Variants in AGMO observed in about 807,000 individuals in gnomAD.
The protein encoded by AGMO is glyceryl-ether monooxygenase.
In AGMO, 75 loss-of-function variants were observed where a neutral mutation model predicts 60.2. That is an observed-to-expected ratio of 1.25 (90% CI 1.03 to 1.51). The LOEUF is 1.51. AGMO is among the 40% of genes most tolerant of loss of function. AGMO has a pLI of 0.00. For missense variants in AGMO, 763 were observed against 525.5 expected (o/e 1.45, Z -4.42); for synonymous variants, 261 against 177.1 (o/e 1.47, Z -3.76).
At chr7:15,401,027 A>G (rs1317802284) in intron 5 of AGMO, among the ~76,000 whole-genome samples, 1 of 152,116 alleles carries the variant, frequency 6.6e-6, no homozygotes, top group African/African-American at 2.4e-5. Flanking sequence ...AGTCTGAAAT[A>G]ATTTTCCTAT....
chr7:15,390,935 T>C, intron 6 of AGMO, 30 bp from the exon 7 acceptor site: 3 of 1,417,772 alleles, frequency 2.1e-6, no homozygotes, highest in Non-Finnish European at 2.9e-6. Context: ...AAATTTTTTT[T>C]CAGAAAAATA....
intron 3 of AGMO, among the ~76,000 whole-genome samples, chr7:15,476,810 C>T (rs552188519): frequency 1.3e-5 from 2 of 152,142 alleles, no homozygotes; most frequent in Admixed American, 6.6e-5. Flanking sequence ...AAGGACTTTG[C>T]CTGTCACAGA....
intron 12 of AGMO, among the ~76,000 whole-genome samples, chr7:15,354,423 C>CACGCGTGTGTAT (rs1782409665): frequency 3.6e-5 from 1 of 27,462 alleles, no homozygotes; most frequent in Non-Finnish European, 5.7e-5. Context: ...TGTGTGTATA[C>CACGCGTGTGTAT]ACACACGTGT....
chr7:15,447,292 G>A (rs575203391), intron 3 of AGMO, among the ~76,000 whole-genome samples: 21 of 152,234 alleles, frequency 1.4e-4, no homozygotes, highest in South Asian at 4.1e-4. Context: ...AATAGCAATT[G>A]TCAGTATGCA....
chr7:15,496,113 C>T (rs1783226227), intron 3 of AGMO, among the ~76,000 whole-genome samples: 1 of 152,088 alleles, frequency 6.6e-6, no homozygotes, highest in South Asian at 2.1e-4. Context: ...ATTTGCACAG[C>T]TTGGGTGGAA....
At chr7:15,561,640 C>A in intron 1 of AGMO, 80 bp downstream of exon 1, 1 of 1,292,560 alleles carries the variant, frequency 7.7e-7, no homozygotes, top group East Asian at 2.6e-5. Flanking sequence ...TGAAAGTGAA[C>A]AAAACCCTAA....
the AGMO span, among the ~76,000 whole-genome samples, chr7:15,169,428 CTTTT>C: frequency 6.6e-6 from 1 of 151,704 alleles, no homozygotes; most frequent in Non-Finnish European, 1.5e-5. Flanking sequence ...GTGTCTTTTT[CTTTT>C]TTTTCTTTCT....
chr7:15,123,339 A>T, the AGMO span, among the ~76,000 whole-genome samples: 2 of 152,010 alleles, frequency 1.3e-5, no homozygotes, highest in African/African-American at 2.4e-5. Flanking sequence ...AGTATGTTGC[A>T]CCTTTGTTTT....
intron 12 of AGMO, among the ~76,000 whole-genome samples, chr7:15,268,787 T>A (rs1307596521): frequency 1.3e-5 from 2 of 151,944 alleles, no homozygotes; most frequent in African/African-American, 2.4e-5. Context: ...GGCATTTGGA[T>A]GAGGCAGGTG....
At chr7:15,523,166 T>A (rs1221647973) in intron 3 of AGMO, among the ~76,000 whole-genome samples, 1 of 152,114 alleles carries the variant, frequency 6.6e-6, no homozygotes, top group African/African-American at 2.4e-5. Flanking sequence ...CCAGTTAGAA[T>A]GGCAATCATT....
the AGMO span, among the ~76,000 whole-genome samples, chr7:15,188,776 T>A: frequency 1.7e-3 from 259 of 151,842 alleles, 1 homozygote; most frequent in African/African-American, 5.8e-3. Flanking sequence ...ACAGTGTGGT[T>A]AGTGTCAGAT....
chr7:15,200,038 C>T (rs12531386), downstream of AGMO, among the ~76,000 whole-genome samples: 18,222 of 152,040 alleles, frequency 0.12, 1,253 homozygotes, highest in Non-Finnish European at 0.15. Context: ...CTAAGTCAGG[C>T]TCCTTAACCC....
intron 3 of AGMO, among the ~76,000 whole-genome samples, chr7:15,444,350 G>C (rs1396134814): frequency 1.3e-5 from 2 of 151,964 alleles, no homozygotes; most frequent in Non-Finnish European, 2.9e-5. Context: ...GGAAATGTTT[G>C]CTTGACCCTC....
At chr7:15,389,033 G>T (rs562735027) in intron 8 of AGMO, among the ~76,000 whole-genome samples, 1 of 152,134 alleles carries the variant, frequency 6.6e-6, no homozygotes, top group Non-Finnish European at 1.5e-5. Context: ...TATGTGTGCA[G>T]CTCTTATTGT....
intron 12 of AGMO, among the ~76,000 whole-genome samples, chr7:15,248,179 CATAT>C (rs71549925): frequency 0.022 from 716 of 32,576 alleles, 23 homozygotes; most frequent in African/African-American, 0.027. Flanking sequence ...GATCCAGCAC[CATAT>C]ATATATATAT....
At chr7:15,447,271 A>G (rs1307219509) in intron 3 of AGMO, among the ~76,000 whole-genome samples, 1 of 152,158 alleles carries the variant, frequency 6.6e-6, no homozygotes, top group Non-Finnish European at 1.5e-5. Flanking sequence ...TTAGTGATCA[A>G]TTGTGTTAAT....
At chr7:15,217,029 T>C (rs1583299111) in intron 12 of AGMO, among the ~76,000 whole-genome samples, 3 of 152,006 alleles carry the variant, frequency 2.0e-5, no homozygotes, top group Non-Finnish European at 2.9e-5. Context: ...GAATACCTAA[T>C]ATATAGCTTA....
intron 4 of AGMO, among the ~76,000 whole-genome samples, chr7:15,424,575 T>C (rs1781007964): frequency 1.3e-5 from 2 of 152,228 alleles, no homozygotes; most frequent in South Asian, 4.1e-4. Context: ...TGAATATTTC[T>C]GTAAGCTACA....
At chr7:15,329,848 G>T (rs141341261) in intron 12 of AGMO, among the ~76,000 whole-genome samples, 218 of 152,168 alleles carry the variant, frequency 1.4e-3, no homozygotes, top group African/African-American at 5.0e-3. Flanking sequence ...CATATCCCAC[G>T]AGCATCCTTA....
Sources: allele counts gnomAD v4.1 joint callset (sites outside exome capture counted in the v4.1 genomes callset), GRCh38; gene constraint gnomAD v4.1.1; transcripts MANE v1.5; gene names NCBI Gene and HGNC (gene_info 2026-07-23, HGNC 2026-07-21).